EWSR1: variants seen among roughly 807,000 people sequenced by gnomAD.
The protein encoded by EWSR1 is EWS RNA binding protein 1.
In EWSR1, 14 loss-of-function variants were observed where a neutral mutation model predicts 92.1. That is an observed-to-expected ratio of 0.15 (90% CI 0.10 to 0.24). EWSR1 has a LOEUF of 0.24. Among genes scored for constraint, EWSR1 ranks in the 10% least tolerant of loss-of-function variants. The pLI, the probability that EWSR1 is intolerant of heterozygous loss-of-function variation, is 1.00. For synonymous variants in EWSR1, 303 were observed against 292.9 expected (o/e 1.03, Z -0.35); for missense variants, 637 against 870.9 (o/e 0.73, Z 3.38).
intron 6 of EWSR1, among the ~76,000 whole-genome samples, chr22:29,286,672 G>T (rs2060057014): frequency 9.0e-6 from 1 of 111,416 alleles, no homozygotes; most frequent in African/African-American, 3.5e-5. Flanking sequence ...AGGCAACAGA[G>T]CAACACTCTG....
intron 1 of EWSR1, among the ~76,000 whole-genome samples, chr22:29,271,479 A>G (rs2058677895): frequency 6.6e-6 from 1 of 152,122 alleles, no homozygotes; most frequent in Non-Finnish European, 1.5e-5. Context: ...TTAAGTTGAA[A>G]TCATTTTGAG....
chr22:29,280,337 G>T (rs2059463815), intron 5 of EWSR1, among the ~76,000 whole-genome samples: 1 of 152,114 alleles, frequency 6.6e-6, no homozygotes, highest in Non-Finnish European at 1.5e-5. Context: ...CAAAGTGCTG[G>T]GATTACAGGT....
intron 1 of EWSR1, among the ~76,000 whole-genome samples, chr22:29,269,020 G>C (rs2058408542): frequency 6.6e-6 from 1 of 152,282 alleles, no homozygotes; most frequent in South Asian, 2.1e-4. Context: ...CCGCTTTCTT[G>C]GGCTTCTCCA....
intron 4 of EWSR1, chr22:29,274,294 C>T: frequency 1.9e-6 from 3 of 1,613,588 alleles, no homozygotes; most frequent in Non-Finnish European, 2.5e-6. Flanking sequence ...TTTGACTATC[C>T]TGCTCATTCT....
At chr22:29,292,360 ATTC>A (rs2060501112) in intron 10 of EWSR1, 125 bp from the exon 11 acceptor site, 5 of 921,306 alleles carry the variant, frequency 5.4e-6, no homozygotes, top group South Asian at 1.5e-5. Flanking sequence ...GTTTGATAGC[ATTC>A]TTCTTAGTAT....
At chr22:29,275,539 C>CT (rs1218007065) in intron 4 of EWSR1, 1 of 223,816 alleles carries the variant, frequency 4.5e-6, no homozygotes, top group African/African-American at 2.2e-5. Flanking sequence ...CTCCCAAGAA[C>CT]TTTTGGGGTA....
chr22:29,272,987 A>G (rs771091121), intron 3 of EWSR1, among the ~76,000 whole-genome samples: 1 of 152,224 alleles, frequency 6.6e-6, no homozygotes, highest in Non-Finnish European at 1.5e-5. Context: ...CATGCCATAA[A>G]ATGGATACTA....
In EWSR1 at chr22:29,282,411, C is replaced by T. The variant is rs146418156; in HGVS notation, c.435C>T (p.Pro145=). ...TTAGACCGCAGGATGGAAACAAGCC[C>T]ACTGAGACTAGTCAACCTCAATCTA... ...APTRPQDGNK[P]TETSQPQSST... The change falls in exon 6 of 17, where the codon CCC becomes CCT. Residue 145 remains proline (P), a synonymous_variant. Transcript: ENST00000397938. The T allele has an allele frequency of 9.4e-5, 150 of 1,593,468 alleles. No homozygotes were observed. In the African/African-American group the frequency reaches 1.7e-3, roughly 18 times the overall value.
At chr22:29,287,900 C>T (rs922785469) in intron 7 of EWSR1, among the ~76,000 whole-genome samples, 1 of 152,076 alleles carries the variant, frequency 6.6e-6, no homozygotes, top group African/African-American at 2.4e-5. Flanking sequence ...AATGGCCAGG[C>T]ATGGTGGCTC....
At chr22:29,296,399 C>T (rs772706174) in intron 12 of EWSR1, 31 bp downstream of exon 12, 3 of 1,611,764 alleles carry the variant, frequency 1.9e-6, no homozygotes, top group Non-Finnish European at 2.5e-6. Flanking sequence ...TTCTTAATCT[C>T]CCTGGCTATA....
At chr22:29,272,963 A>G (rs1227747912) in intron 3 of EWSR1, among the ~76,000 whole-genome samples, 1 of 152,190 alleles carries the variant, frequency 6.6e-6, no homozygotes, top group African/African-American at 2.4e-5. Context: ...ATAATGTTGA[A>G]TTCTGAAATG....
At chr22:29,283,609 T>C (rs1602354749) in intron 6 of EWSR1, among the ~76,000 whole-genome samples, 1 of 151,100 alleles carries the variant, frequency 6.6e-6, no homozygotes, top group Non-Finnish European at 1.5e-5. Flanking sequence ...TACTGCAGTT[T>C]CCACCTCCTG....
intron 4 of EWSR1, chr22:29,276,706 G>C: frequency 4.3e-6 from 1 of 230,408 alleles, no homozygotes; most frequent in East Asian, 6.2e-5. Context: ...TAGGGTCTCT[G>C]TTGCCTAGGC....
At chr22:29,287,529 G>T (rs1040913882) in intron 7 of EWSR1, among the ~76,000 whole-genome samples, 1 of 152,048 alleles carries the variant, frequency 6.6e-6, no homozygotes, top group African/African-American at 2.4e-5. Flanking sequence ...TTTTGAACAG[G>T]GGGAATACTC....
chr22:29,288,855 G>T, intron 8 of EWSR1, 69 bp downstream of exon 8: 2 of 1,344,308 alleles, frequency 1.5e-6, no homozygotes, highest in Non-Finnish European at 2.0e-6. Flanking sequence ...GGAAAGAAGG[G>T]ACTGAAAGAC....
At chr22:29,293,520 CT>C (rs139051249) in intron 11 of EWSR1, among the ~76,000 whole-genome samples, 10,371 of 152,172 alleles carry the variant, frequency 0.068, 610 homozygotes, top group African/African-American at 0.17. Context: ...ACTGAGTGAT[CT>C]TTTTTTCCCC....
intron 4 of EWSR1, chr22:29,274,144 A>G (rs1168931418): frequency 9.3e-7 from 1 of 1,076,982 alleles, no homozygotes; most frequent in South Asian, 1.3e-5. Context: ...GATTTTGCTA[A>G]TGCTAATACT....
intron 5 of EWSR1, among the ~76,000 whole-genome samples, chr22:29,279,735 C>T (rs551544748): frequency 1.6e-4 from 25 of 152,340 alleles, no homozygotes; most frequent in African/African-American, 5.8e-4. Context: ...AGTGAGTAAT[C>T]GGAGCCGCTT....
chr22:29,300,415 G>T lies in EWSR1; in HGVS notation c.*254G>T. Reference sequence around the variant, plus strand: ...AACAATGGGAACCCCTTGTGAGCATGCTCAGTATCATTGTGGAGAACCAAG... The same window carrying T: ...AACAATGGGAACCCCTTGTGAGCATTCTCAGTATCATTGTGGAGAACCAAG... On this transcript the variant is annotated 3_prime_UTR_variant, in exon 17 of 17. Coordinates refer to ENST00000397938, the MANE Select transcript of EWSR1 (RefSeq NM_005243.4). 1 of 412,370 alleles carries T rather than the reference G, an allele frequency of 2.4e-6. No homozygotes were observed. The highest frequency in any genetic ancestry group is 4.3e-6 in the Non-Finnish European group (1 of 230,322). The allele number at this position is 412,370 out of a possible 1,614,324, so 25.5% of individuals were successfully genotyped here. A position where few individuals can be genotyped will look rare whatever the true frequency, so the allele number is the denominator to read the frequency against.
Sources: allele counts gnomAD v4.1 joint callset (sites outside exome capture counted in the v4.1 genomes callset), GRCh38; gene constraint gnomAD v4.1.1; transcripts MANE v1.5; gene names NCBI Gene and HGNC (gene_info 2026-07-23, HGNC 2026-07-21).